SLC4A11: variants seen among roughly 807,000 people sequenced by gnomAD.
SLC4A11 encodes bicarbonate transporter related protein 1.
A neutral mutation model predicts 95.0 loss-of-function variants in SLC4A11; 74 were observed. The ratio of observed to expected loss-of-function variants is 0.78; its 90% CI spans 0.65 to 0.95. The LOEUF (loss-of-function observed/expected upper bound fraction) is 0.95, where lower values mean the gene tolerates loss of function less well. Ranked by LOEUF, SLC4A11 falls within the 40% of genes least tolerant of loss-of-function variation. The pLI is 0.00. For synonymous variants in SLC4A11, 548 were observed against 519.0 expected, an observed-to-expected ratio of 1.06 and a Z score of -0.76; for missense variants, 1,081 against 1,192.4, an observed-to-expected ratio of 0.91 and a Z score of 1.38.
Position 3,234,227 on chromosome 20 carries a change from C to G in SLC4A11, c.379G>C (p.Glu127Gln), listed in dbSNP as rs1482631297. The G allele has an allele frequency of 3.7e-6, 6 of 1,613,942 alleles. No homozygotes were observed. The South Asian group carries it at 6.6e-5, about 18-fold the overall frequency. The change falls in exon 5 of 20, where the codon GAG (glutamate) becomes CAG (glutamine). Residue 127 changes from glutamate (E) to glutamine (Q), a missense_variant. Physicochemically the swap from Glu to Gln is conservative, Grantham distance 29. Around this residue, in one of 3 missense-constraint regions of SLC4A11, gnomAD observed 310 missense variants for 313.5 expected, o/e 0.99. Coordinates refer to ENST00000642402, the MANE Select transcript of SLC4A11 (RefSeq NM_001174089.2). This position sits in a 1 kb window ranked among gnomAD's most constrained non-coding sequence, Gnocchi z 5.8. Reference sequence around the variant, plus strand: ...ACGTTATCCAGGGAGGTGGCCGTCTCGTTCAGGACGATGCTGGCCTGCGCC... The same window carrying G: ...ACGTTATCCAGGGAGGTGGCCGTCTGGTTCAGGACGATGCTGGCCTGCGCC... The part of the protein sequence containing the change: ...FLAQASIVLN[E>Q]TATSLDNVLR...
In SLC4A11 at chr20:3,230,975, C is replaced by T. The variant is rs1297499833; in HGVS notation, c.1126G>A (p.Ala376Thr). Residue 376 changes from alanine (A) to threonine (T), a missense_variant, in exon 10 of 20, where the codon GCT becomes ACT. This residue lies in a region of SLC4A11 where 767 missense variants were observed against 858.0 expected (regional missense o/e 0.89). Transcript: ENST00000642402. ...LYFACLLPTI[A>T]FGSLNDENTD... is the part of the protein sequence containing the mutation. Reference sequence around the variant, plus strand: ...TTCTCGTCATTGAGAGACCCGAAAGCGATGGTGGGCAGGAGGCAGGCGAAG... The same window carrying T: ...TTCTCGTCATTGAGAGACCCGAAAGTGATGGTGGGCAGGAGGCAGGCGAAG... The T allele has an allele frequency of 6.2e-6, 10 of 1,613,552 alleles. No individual in the cohort carries two copies. The highest frequency in any genetic ancestry group is 3.3e-5 in the Admixed American group (2 of 59,988).
At chr20:3,228,758 C>T (rs1198774769) in intron 17 of SLC4A11, 51 bp from the exon 18 acceptor site, 2 of 1,612,316 alleles carry the variant, frequency 1.2e-6, no homozygotes, top group African/African-American at 2.7e-5. Flanking sequence ...GTCCACAGGG[C>T]CTCACTCCTC....
At position 3,231,399 on chromosome 20, in the gene SLC4A11, G is replaced by A; in HGVS notation, c.879C>T (p.Ser293=). The change falls in exon 8 of 20, where the codon AGC becomes AGT. Residue 293 remains serine (S), a synonymous_variant. Transcript: ENST00000642402. The surrounding 1 kb of genome is among the most constrained non-coding windows in gnomAD (Gnocchi z 5.2). ...VHQRQLLTMV[S]HGPVAPRTKE... ...TCGTTCTCGGCGCCACTGGACCGTG[G>A]CTCACCATGGTGAGCAGCTGTCTCT... The A allele has an allele frequency of 6.2e-7, 1 of 1,614,100 alleles. No individual in the cohort carries two copies. The highest frequency in any genetic ancestry group is 2.2e-5 in the East Asian group (1 of 44,862).
chr20:3,231,575 C>T lies in SLC4A11; in HGVS notation c.730-27G>A. ...TAGGGGTGGAGGATGGGAGTCACCC[C>T]TAGAAACAGAGGAGGCCCTGCCCGG... On this transcript the variant is annotated intron_variant, in intron 7 of 19. Coordinates refer to ENST00000642402, the MANE Select transcript of SLC4A11 (RefSeq NM_001174089.2). This position sits in a 1 kb window ranked among gnomAD's most constrained non-coding sequence, Gnocchi z 5.2. The T allele has an allele frequency of 6.5e-7, 1 of 1,541,056 alleles. No homozygotes were observed. Among genetic ancestry groups the T allele is most frequent in the Non-Finnish European group, 8.9e-7 (1 of 1,125,080 alleles).
Position 3,230,210 on chromosome 20 carries a change from TC to T in SLC4A11, c.1465del (p.Asp489MetfsTer129). 3 of 1,613,556 alleles carry T rather than the reference TC, an allele frequency of 1.9e-6. No individual in the cohort carries two copies. The highest frequency in any genetic ancestry group is 2.5e-6 in the Non-Finnish European group (3 of 1,180,006). On this transcript the variant is annotated frameshift_variant, in exon 13 of 20. Transcript: ENST00000642402. LOFTEE classifies it high-confidence loss of function. ...ALFISITFVL[D>X]AVKGTVKIFW... The stretch of plus-strand genomic sequence containing the variant: ...ACTTTTAACCGTGCCCTTGACGGCA[TC>T]CAGCACAAACGTGATGGAAATGAAG...
At chr20:3,236,362 G>A (rs2067980455) in intron 2 of SLC4A11, among the ~76,000 whole-genome samples, 2 of 152,202 alleles carry the variant, frequency 1.3e-5, no homozygotes, top group African/African-American at 2.4e-5. Flanking sequence ...GGATCACGAG[G>A]TCAGGAGATC....
intron 1 of SLC4A11, chr20:3,238,621 G>A (rs2068064958): frequency 2.8e-5 from 28 of 992,318 alleles, no homozygotes; most frequent in Non-Finnish European, 3.4e-5. Context: ...GCCGCGCAGG[G>A]CACGGTCAGG....
At position 3,238,667 on chromosome 20, in the gene SLC4A11, G is replaced by A. The variant is rs1212753454; in HGVS notation, c.43+428C>T. The stretch of plus-strand genomic sequence containing the variant: ...CTCCCAAAACTCCAGGGGTTCCGGG[G>A]CTCCCACCGCGGCGCCGGACGGGAA... On this transcript the variant is annotated intron_variant, in intron 1 of 19. Coordinates refer to ENST00000642402, the MANE Select transcript of SLC4A11 (RefSeq NM_001174089.2). The A allele has an allele frequency of 5.0e-6, 5 of 999,410 alleles. No individual in the cohort carries two copies. The South Asian group carries it at 1.9e-4, about 37-fold the overall frequency. The allele number at this position is 999,410 out of a possible 1,614,324, so 61.9% of individuals were successfully genotyped here.
Position 3,238,836 on chromosome 20 carries a change from T to C in SLC4A11, c.43+259A>G, listed in dbSNP as rs2068070429. The stretch of plus-strand genomic sequence containing the variant: ...CCCGCCCTCGACCCGCTGCATCAGC[T>C]GTTCAAACCTGGTAAGAAATTCAAG... On this transcript the variant is annotated intron_variant, in intron 1 of 19. Coordinates refer to ENST00000642402, the MANE Select transcript of SLC4A11 (RefSeq NM_001174089.2). 6 of 1,194,056 alleles carry C rather than the reference T, an allele frequency of 5.0e-6. No individual in the cohort carries two copies. In the Admixed American group the frequency reaches 2.3e-4, roughly 45 times the overall value. The allele number at this position is 1,194,056 out of a possible 1,614,324, so 74.0% of individuals were successfully genotyped here. A position where few individuals can be genotyped will look rare whatever the true frequency, so the allele number is the denominator to read the frequency against.
chr20:3,234,913 A>G lies in SLC4A11; in HGVS notation c.89-19T>C. The G allele has an allele frequency of 1.2e-6, 2 of 1,613,672 alleles. No individual in the cohort carries two copies. Among genetic ancestry groups the G allele is most frequent in the Non-Finnish European group, 1.7e-6 (2 of 1,179,950 alleles). The stretch of plus-strand genomic sequence containing the variant: ...TAGTAGCCTAGAGACCCCCAAGAGC[A>G]AGAGGGCCTGGCTGTTAAAGTGCCA... On this transcript the variant is annotated intron_variant, in intron 2 of 19. Coordinates refer to ENST00000642402, the MANE Select transcript of SLC4A11 (RefSeq NM_001174089.2). The surrounding 1 kb of genome is among the most constrained non-coding windows in gnomAD (Gnocchi z 5.8).
rs960612802 is a variant in SLC4A11, at chr20:3,234,138, C to T, written c.468G>A (p.Leu156=). The change falls in exon 5 of 20, where the codon CTG becomes CTA. Residue 156 remains leucine, a synonymous_variant. Coordinates refer to ENST00000642402, the MANE Select transcript of SLC4A11 (RefSeq NM_001174089.2). The surrounding 1 kb of genome is among the most constrained non-coding windows in gnomAD (Gnocchi z 5.8). ...DPDNNEPNCN[L]DLLMAMLFTD... ...TGAAGAGCATGGCCATGAGCAGGTCCAGGTTGCAGTTGGGCTCATTGTTGT... is the reference window on the plus strand; with the variant it reads ...TGAAGAGCATGGCCATGAGCAGGTCTAGGTTGCAGTTGGGCTCATTGTTGT... 1 of 1,614,142 alleles carries T rather than the reference C, an allele frequency of 6.2e-7. No homozygotes were observed. Among genetic ancestry groups the T allele is most frequent in the African/African-American group, 1.3e-5 (1 of 75,064 alleles).
chr20:3,230,375 G>GC, intron 12 of SLC4A11, 115 bp from the exon 13 acceptor site: 1 of 1,574,416 alleles, frequency 6.4e-7, no homozygotes, highest in South Asian at 1.1e-5. Flanking sequence ...GAAGGCCAGG[G>GC]CCCCAGGCCT....
Position 3,227,682 on chromosome 20 carries a change from A to G in SLC4A11, c.*105T>C, listed in dbSNP as rs866557177. The stretch of plus-strand genomic sequence containing the variant: ...GCCTGAGTCAGCCATGAGAAGGCGC[A>G]GCACAGAGCAGTCACCCACACACCT... On this transcript the variant is annotated 3_prime_UTR_variant, in exon 20 of 20. Coordinates refer to ENST00000642402, the MANE Select transcript of SLC4A11 (RefSeq NM_001174089.2). 50 of 1,240,884 alleles carry G rather than the reference A, an allele frequency of 4.0e-5. No homozygotes were observed. The African/African-American group carries it at 6.1e-4, about 15-fold the overall frequency. The allele number at this position is 1,240,884 out of a possible 1,614,324, so 76.9% of individuals were successfully genotyped here. A position where few individuals can be genotyped will look rare whatever the true frequency, so the allele number is the denominator to read the frequency against.
In SLC4A11 at chr20:3,231,389, C is replaced by T. The variant is rs536125313; in HGVS notation, c.889G>A (p.Val297Met). The change falls in exon 8 of 20, where the codon GTG becomes ATG. Residue 297 changes from valine to methionine, a missense_variant. Physicochemically the swap from Val to Met is conservative, Grantham distance 21. Around this residue, in one of 3 missense-constraint regions of SLC4A11, gnomAD observed 767 missense variants for 858.0 expected, o/e 0.89. Coordinates refer to ENST00000642402, the MANE Select transcript of SLC4A11 (RefSeq NM_001174089.2). The surrounding 1 kb of genome is among the most constrained non-coding windows in gnomAD (Gnocchi z 5.2). Reference protein sequence around the residue: ...QLLTMVSHGPVAPRTKERSTV... With the variant: ...QLLTMVSHGPMAPRTKERSTV... ...CTGCGTTCCTTCGTTCTCGGCGCCA[C>T]TGGACCGTGGCTCACCATGGTGAGC... The T allele has an allele frequency of 9.9e-6, 16 of 1,614,102 alleles. No individual in the cohort carries two copies. The South Asian group carries it at 1.8e-4, about 18-fold the overall frequency.
At chr20:3,238,975 C>T (rs1242574285) in intron 1 of SLC4A11, 120 bp downstream of exon 1, 3 of 1,312,178 alleles carry the variant, frequency 2.3e-6, no homozygotes, top group African/African-American at 3.1e-5. Flanking sequence ...AGCCCTCTCG[C>T]CCACCGGCCC....
Position 3,229,790 on chromosome 20 carries a change from C to A in SLC4A11, c.1490-14G>T. The A allele has an allele frequency of 6.2e-7, 1 of 1,613,742 alleles. No individual in the cohort carries two copies. The highest frequency in any genetic ancestry group is 8.5e-7 in the Non-Finnish European group (1 of 1,179,958). ...ACTTCCAGAAGACTGTGGACACACACCCACAGGCCTCAGCCCTCTCCAGCG... is the reference window on the plus strand; with the variant it reads ...ACTTCCAGAAGACTGTGGACACACAACCACAGGCCTCAGCCCTCTCCAGCG... On this transcript the variant is annotated splice_polypyrimidine_tract_variant and intron_variant, in intron 13 of 19. Coordinates refer to ENST00000642402, the MANE Select transcript of SLC4A11 (RefSeq NM_001174089.2).
rs143468052 is a variant in SLC4A11, at chr20:3,229,107, G to A, written c.2006C>T (p.Ala669Val). Residue 669 changes from alanine to valine, a missense_variant, in exon 16 of 20, where the codon GCA becomes GTA. By Grantham distance (64) the Ala-to-Val change is moderately conservative (BLOSUM62 0). Transcript: ENST00000642402. ...EQNLVAALVN[A>V]PENRLVKGTA... is the part of the protein sequence containing the mutation. ...CCACCCTCCACACCTGTTCTCCGGT[G>A]CATTCACCAAGGCGGCCACCAAGTT... 1 of 1,579,406 alleles carries A rather than the reference G, an allele frequency of 6.3e-7. No homozygotes were observed. The highest frequency in any genetic ancestry group is 2.4e-5 in the East Asian group (1 of 42,542).
At chr20:3,230,488 C>T in intron 12 of SLC4A11, 27 bp downstream of exon 12, 2 of 1,613,494 alleles carry the variant, frequency 1.2e-6, no homozygotes, top group Non-Finnish European at 1.7e-6. Context: ...CTTGAGGGTC[C>T]CAGCAGCTCA....
chr20:3,238,430 G>GA, intron 1 of SLC4A11: 1 of 1,041,266 alleles, frequency 9.6e-7, no homozygotes, highest in Non-Finnish European at 1.2e-6. Flanking sequence ...CTGAAGTGGG[G>GA]GGCGGGGGCG....
Sources: gnomAD v4.1 joint callset for allele counts (sites outside exome capture counted in the v4.1 genomes callset) on GRCh38, gnomAD v4.1.1 for gene constraint, gnomAD v4.1.1 regional missense constraint, Gnocchi (gnomAD v3.1) non-coding constraint, MANE v1.5 for transcripts, NCBI Gene and HGNC (gene_info 2026-07-23, HGNC 2026-07-21) for gene names.